ENOX2: variants seen among roughly 807,000 people sequenced by gnomAD.
ENOX2 encodes the protein ecto-NOX disulfide-thiol exchanger 2, also known as APK1 antigen.
A neutral mutation model predicts 45.0 loss-of-function variants in ENOX2; 36 were observed. That is an observed-to-expected ratio of 0.80 (90% CI 0.61 to 1.06). The LOEUF is 1.06. Among genes scored for constraint, ENOX2 ranks in the 50% least tolerant of loss-of-function variants. The pLI, the probability that ENOX2 is intolerant of heterozygous loss-of-function variation, is 0.00. For missense variants in ENOX2, 423 were observed against 462.5 expected (o/e 0.91, Z 0.78); for synonymous variants, 174 against 152.3 (o/e 1.14, Z -1.05).
chrX:130,696,531 T>C (rs958086168), intron 4 of ENOX2, among the ~76,000 whole-genome samples: 2 of 112,236 alleles, frequency 1.8e-5, no homozygotes, highest in African/African-American at 6.5e-5. Context: ...ATAAAAAATA[T>C]AGGAAGTCTA....
rs897182051 is a variant in ENOX2 at position 130,802,046 on chromosome X, G to A, written c.-182-18356C>T. On this transcript the variant is annotated intron_variant, in intron 2 of 14. Transcript: ENST00000394363. Reference sequence around the variant, plus strand: ...AAATCACTTAAATACTTTTTTGACAGTGAGATTTCTGGCTCCCCCTGCCGC... The same window carrying A: ...AAATCACTTAAATACTTTTTTGACAATGAGATTTCTGGCTCCCCCTGCCGC... Among the ~76,000 whole-genome samples the A allele has an allele frequency of 6.3e-5, 7 of 111,923 alleles. No homozygotes were observed. In the Admixed American group the frequency reaches 6.6e-4, roughly 11 times the overall value.
chrX:130,688,714 G>A, intron 5 of ENOX2, 149 bp downstream of exon 5: 2 of 449,474 alleles, frequency 4.4e-6, no homozygotes, highest in Non-Finnish European at 7.4e-6. Context: ...ACCCTGCCTA[G>A]CAAGAGAAAA....
At chrX:130,815,423 G>A (rs776858479) in intron 2 of ENOX2, among the ~76,000 whole-genome samples, 1 of 111,520 alleles carries the variant, frequency 9.0e-6, no homozygotes, top group South Asian at 3.8e-4. Flanking sequence ...TCCTCGAGAA[G>A]AGCAACCCTA....
intron 3 of ENOX2, among the ~76,000 whole-genome samples, chrX:130,777,737 C>T (rs2039890969): frequency 9.0e-6 from 1 of 111,489 alleles, no homozygotes; most frequent in Non-Finnish European, 1.9e-5. Flanking sequence ...TCTTTTGTGC[C>T]ACCCTGTCTG....
intron 10 of ENOX2, among the ~76,000 whole-genome samples, chrX:130,639,458 C>T (rs1156650428): frequency 4.5e-5 from 5 of 112,108 alleles, no homozygotes; most frequent in Non-Finnish European, 9.4e-5. Context: ...CCTTCCTCTA[C>T]ACCTTACCAC....
At position 130,635,050 on chromosome X, in the gene ENOX2, A is replaced by G. The variant is rs1251790935; in HGVS notation, c.1353T>C (p.Ala451=). The stretch of plus-strand genomic sequence containing the variant: ...TGTCATCTTTGAGTTTTTCAAGTTC[A>G]GCTTCTTTCTTTTTGTATTCCTCTT... ...KVQEEYKKKE[A]ELEKLKDDKL... The change falls in exon 12 of 15, where the codon GCT becomes GCC. Residue 451 remains alanine (A), a synonymous_variant. Transcript: ENST00000394363. The G allele has an allele frequency of 7.6e-6, 9 of 1,190,106 alleles. No homozygotes were observed. Among genetic ancestry groups the G allele is most frequent in the Non-Finnish European group, 1.0e-5 (9 of 879,343 alleles).
chrX:130,626,528 T>C (rs768452627), intron 14 of ENOX2, among the ~76,000 whole-genome samples: 1 of 112,479 alleles, frequency 8.9e-6, no homozygotes, highest in Admixed American at 9.4e-5. Flanking sequence ...TGTGCATGTA[T>C]TATTTTTGTA....
chrX:130,628,182 C>T (rs753103035), intron 13 of ENOX2, 139 bp from the exon 14 acceptor site: 87 of 466,379 alleles, frequency 1.9e-4, no homozygotes, highest in Middle Eastern at 7.2e-4. Flanking sequence ...GTATTTTACT[C>T]ATTTAATCTT....
rs1168284518 is a variant in ENOX2 at position 130,787,304 on chromosome X, A to G, written c.-182-3614T>C. Among the ~76,000 whole-genome samples the G allele has an allele frequency of 1.5e-4, 17 of 112,469 alleles. No homozygotes were observed. The Admixed American group carries it at 1.6e-3, about 11-fold the overall frequency. On this transcript the variant is annotated intron_variant, in intron 2 of 14. Coordinates refer to ENST00000394363, the MANE Select transcript of ENOX2 (RefSeq NM_006375.4). Reference sequence around the variant, plus strand: ...CCGGAGGTTTGGAGCCACAATTTGCAAAAGGACATTAATAAGAGTACCTAA... The same window carrying G: ...CCGGAGGTTTGGAGCCACAATTTGCGAAAGGACATTAATAAGAGTACCTAA...
intron 3 of ENOX2, among the ~76,000 whole-genome samples, chrX:130,755,969 C>T (rs1244257979): frequency 9.0e-6 from 1 of 111,411 alleles, no homozygotes; most frequent in Non-Finnish European, 1.9e-5. Flanking sequence ...CATGGGGTCA[C>T]ATTTTTTTAT....
intron 2 of ENOX2, among the ~76,000 whole-genome samples, chrX:130,872,709 T>C (rs1023029208): frequency 2.7e-5 from 3 of 111,632 alleles, no homozygotes; most frequent in Admixed American, 1.9e-4. Context: ...TATAGACCAA[T>C]GGAACAGAAC....
At chrX:130,739,776 T>G (rs1055923771) in intron 3 of ENOX2, among the ~76,000 whole-genome samples, 3 of 112,012 alleles carry the variant, frequency 2.7e-5, no homozygotes, top group African/African-American at 9.7e-5. Context: ...CTTTGACTTG[T>G]CCAGCTAACT....
intron 3 of ENOX2, among the ~76,000 whole-genome samples, chrX:130,752,864 T>C (rs1156910021): frequency 9.0e-6 from 1 of 111,090 alleles, no homozygotes; most frequent in Non-Finnish European, 1.9e-5. Context: ...TTGTGGTCTC[T>C]GCTTCTCTCT....
At chrX:130,816,434 G>A (rs966561967) in intron 2 of ENOX2, among the ~76,000 whole-genome samples, 6 of 111,548 alleles carry the variant, frequency 5.4e-5, no homozygotes, top group Non-Finnish European at 7.5e-5. Context: ...GACATCTACA[G>A]AACTCTCCAG....
chrX:130,817,186 T>C (rs1300714561), intron 2 of ENOX2, among the ~76,000 whole-genome samples: 1 of 111,883 alleles, frequency 8.9e-6, no homozygotes, highest in Non-Finnish European at 1.9e-5. Context: ...GATAAATTGC[T>C]GAACACATAA....
intron 2 of ENOX2, among the ~76,000 whole-genome samples, chrX:130,844,549 T>TA (rs1200020316): frequency 8.9e-6 from 1 of 111,900 alleles, no homozygotes; most frequent in Non-Finnish European, 1.9e-5. Flanking sequence ...CGTTACACGA[T>TA]AAAAAATTCC....
chrX:130,631,002 C>A (rs2035689979), intron 13 of ENOX2, among the ~76,000 whole-genome samples: 1 of 88,060 alleles, frequency 1.1e-5, no homozygotes, highest in Non-Finnish European at 2.3e-5. Context: ...CAAACAATCC[C>A]TTGTCATTTG....
At chrX:130,868,777 T>C (rs1353166830) in intron 2 of ENOX2, among the ~76,000 whole-genome samples, 2 of 111,662 alleles carry the variant, frequency 1.8e-5, no homozygotes, top group East Asian at 5.6e-4. Flanking sequence ...ACTGATATCC[T>C]AGATACCTCC....
At chrX:130,659,345 T>A (rs962106471) in intron 9 of ENOX2, among the ~76,000 whole-genome samples, 19 of 112,181 alleles carry the variant, frequency 1.7e-4, no homozygotes, top group African/African-American at 5.8e-4. Context: ...TTTAGTATCA[T>A]CACTGATAGT....
Sources: allele counts gnomAD v4.1 joint callset (sites outside exome capture counted in the v4.1 genomes callset), GRCh38; gene constraint gnomAD v4.1.1; transcripts MANE v1.5; gene names NCBI Gene and HGNC (gene_info 2026-07-23, HGNC 2026-07-21).